NLN: variants seen among roughly 807,000 people sequenced by gnomAD.
NLN encodes neurolysin, also known as neurolysin, mitochondrial.
A neutral mutation model predicts 79.9 loss-of-function variants in NLN; 64 were observed. That is an observed-to-expected ratio of 0.80 (90% CI 0.65 to 0.99). The LOEUF (loss-of-function observed/expected upper bound fraction) is 0.99, where lower values mean the gene tolerates loss of function less well. Ranked by LOEUF, NLN falls within the 50% of genes least tolerant of loss-of-function variation. The pLI is 0.00. For missense variants in NLN, 835 were observed against 858.7 expected (o/e 0.97, Z 0.34); for synonymous variants, 267 against 296.6 (o/e 0.90, Z 1.02).
rs1579909800 is a variant in NLN at position 65,735,831 on chromosome 5, A to T, written c.41+13417A>T. Among the ~76,000 whole-genome samples the T allele has an allele frequency of 2.0e-5, 3 of 152,136 alleles. No individual in the cohort carries two copies. In the East Asian group the frequency reaches 5.8e-4, roughly 29 times the overall value. On this transcript the variant is annotated intron_variant, in intron 1 of 12. Transcript: ENST00000380985. Reference sequence around the variant, plus strand: ...ACTCAATGCTTCAGCCAGAGAGTTTATGTCCTTATCTCCTGGCCTTAAATT... The same window carrying T: ...ACTCAATGCTTCAGCCAGAGAGTTTTTGTCCTTATCTCCTGGCCTTAAATT...
intron 6 of NLN, 85 bp downstream of exon 6, chr5:65,781,506 C>G (rs577470286): frequency 2.8e-5 from 27 of 959,714 alleles, no homozygotes; most frequent in Non-Finnish European, 4.3e-5. Flanking sequence ...TCAAAGTCAG[C>G]TCAGAGACTG....
intron 12 of NLN, among the ~76,000 whole-genome samples, chr5:65,821,475 T>G (rs970899698): frequency 1.3e-5 from 2 of 152,202 alleles, no homozygotes; most frequent in African/African-American, 4.8e-5. Flanking sequence ...CTCCATAATG[T>G]GTATATTGAC....
intron 1 of NLN, among the ~76,000 whole-genome samples, chr5:65,755,234 A>C (rs923023877): frequency 2.0e-5 from 3 of 152,218 alleles, no homozygotes; most frequent in African/African-American, 7.2e-5. Flanking sequence ...AACTATGATA[A>C]ATTTCTTACA....
At chr5:65,809,998 T>C (rs756571293) in intron 10 of NLN, 39 bp from the exon 11 acceptor site, 1 of 1,608,268 alleles carries the variant, frequency 6.2e-7, no homozygotes, top group Non-Finnish European at 8.5e-7. Flanking sequence ...CACAGTTCTG[T>C]CTTCTTCAAA....
intron 3 of NLN, among the ~76,000 whole-genome samples, chr5:65,769,547 T>A (rs189266958): frequency 4.0e-4 from 61 of 152,226 alleles, no homozygotes; most frequent in African/African-American, 1.2e-3. Context: ...CCACAAAAAA[T>A]TTTTTTAAAA....
rs1758667093 is a variant in NLN at position 65,733,878 on chromosome 5, C to T, written c.41+11464C>T. On this transcript the variant is annotated intron_variant, in intron 1 of 12. Coordinates refer to ENST00000380985, the MANE Select transcript of NLN (RefSeq NM_020726.5). ...GGTGTTACTGGCATGCACCACCACACCCAACTAATTTTGTATTTTTTTTTC... is the reference window on the plus strand; with the variant it reads ...GGTGTTACTGGCATGCACCACCACATCCAACTAATTTTGTATTTTTTTTTC... Among the ~76,000 whole-genome samples the T allele has an allele frequency of 2.2e-5, 3 of 137,132 alleles. 1 individual carries two copies. The highest frequency in any genetic ancestry group is 8.3e-5 in the African/African-American group (3 of 36,044). 90.0% of individuals were successfully genotyped at this position (137,132 alleles called of 152,430 possible).
intron 9 of NLN, among the ~76,000 whole-genome samples, chr5:65,797,710 T>A (rs1760201099): frequency 6.6e-6 from 1 of 152,222 alleles, no homozygotes; most frequent in Non-Finnish European, 1.5e-5. Flanking sequence ...GAAGTATTCT[T>A]GAAACTATGC....
At chr5:65,804,730 C>T (rs902360026) in intron 9 of NLN, among the ~76,000 whole-genome samples, 12 of 152,242 alleles carry the variant, frequency 7.9e-5, no homozygotes, top group African/African-American at 2.9e-4. Flanking sequence ...ATGGGTTCAC[C>T]GTGTGGGCCA....
chr5:65,794,789 A>G (rs544478194), intron 9 of NLN, among the ~76,000 whole-genome samples: 5 of 152,260 alleles, frequency 3.3e-5, no homozygotes, highest in Middle Eastern at 3.4e-3. Context: ...CAGCATCCCT[A>G]TATCCCAGAG....
intron 12 of NLN, among the ~76,000 whole-genome samples, chr5:65,813,098 G>A (rs796718846): frequency 3.9e-5 from 6 of 152,290 alleles, no homozygotes; most frequent in African/African-American, 1.4e-4. Context: ...TCTCTGTACT[G>A]ATTTCAACCA....
chr5:65,733,422 C>A, intron 1 of NLN: 1 of 1,487,844 alleles, frequency 6.7e-7, no homozygotes, highest in Non-Finnish European at 9.3e-7. Context: ...GAAAGACCTG[C>A]TGTGTCACAC....
intron 1 of NLN, among the ~76,000 whole-genome samples, chr5:65,745,606 A>G (rs931141611): frequency 2.0e-5 from 3 of 152,122 alleles, no homozygotes; most frequent in African/African-American, 7.2e-5. Flanking sequence ...GTGTCTTGCA[A>G]AGGCCTGAGG....
intron 1 of NLN, among the ~76,000 whole-genome samples, chr5:65,748,186 G>T (rs1456684676): frequency 6.6e-6 from 1 of 151,928 alleles, no homozygotes; most frequent in East Asian, 1.9e-4. Context: ...GGGCAACAGA[G>T]CAAGAGTCTG....
At position 65,785,811 on chromosome 5, in the gene NLN, C is replaced by A. The variant is rs750209495; in HGVS notation, c.859C>A (p.Arg287=). ...AATTTTGCAGCAGCTACTCCCACTGCGAACCAAGGTGGCCAAACTACTCGG... is the reference window on the plus strand; with the variant it reads ...AATTTTGCAGCAGCTACTCCCACTGAGAACCAAGGTGGCCAAACTACTCGG... ...TIILQQLLPL[R]TKVAKLLGYS... is the part of the protein sequence containing the mutation. Residue 287 remains arginine, a synonymous_variant, in exon 7 of 13, where the codon CGA becomes AGA. Transcript: ENST00000380985. 2 of 1,613,384 alleles carry A rather than the reference C, an allele frequency of 1.2e-6. No individual in the cohort carries two copies. Among genetic ancestry groups the A allele is most frequent in the African/African-American group, 1.3e-5 (1 of 74,916 alleles).
At chr5:65,726,716 C>G (rs191584915) in intron 1 of NLN, among the ~76,000 whole-genome samples, 1 of 152,160 alleles carries the variant, frequency 6.6e-6, no homozygotes, top group Non-Finnish European at 1.5e-5. Context: ...AATATATTAA[C>G]TAATTTGTTA....
intron 1 of NLN, among the ~76,000 whole-genome samples, chr5:65,729,934 C>T (rs1389916188): frequency 1.3e-5 from 2 of 152,314 alleles, no homozygotes; most frequent in Middle Eastern, 3.4e-3. Flanking sequence ...AGAAACAGCT[C>T]GCCTGAGTTT....
intron 9 of NLN, 23 bp downstream of exon 9, chr5:65,792,678 T>G: frequency 6.4e-7 from 1 of 1,563,378 alleles, no homozygotes; most frequent in Non-Finnish European, 8.8e-7. Flanking sequence ...TTTCCCCCAG[T>G]AAACCTGCCA....
chr5:65,729,689 T>C (rs1758564682), intron 1 of NLN, among the ~76,000 whole-genome samples: 2 of 152,206 alleles, frequency 1.3e-5, no homozygotes, highest in Admixed American at 6.5e-5. Flanking sequence ...TTGATTTCTT[T>C]CTTTTTTGTT....
intron 1 of NLN, among the ~76,000 whole-genome samples, chr5:65,726,015 G>C (rs953827323): frequency 1.3e-5 from 2 of 151,940 alleles, no homozygotes; most frequent in Admixed American, 1.3e-4. Context: ...GGGAGGCTGA[G>C]GCAGGAGAAT....
Sources: gnomAD v4.1 joint callset for allele counts (sites outside exome capture counted in the v4.1 genomes callset) on GRCh38, gnomAD v4.1.1 for gene constraint, MANE v1.5 for transcripts, NCBI Gene and HGNC (gene_info 2026-07-23, HGNC 2026-07-21) for gene names.